Variants in MCHR2 observed in about 807,000 individuals in gnomAD.
MCHR2 encodes the protein melanin-concentrating hormone receptor 2.
In MCHR2, 15 loss-of-function variants were observed where a neutral mutation model predicts 24.8. The observed-to-expected ratio is 0.60, with a 90% CI of 0.40 to 0.93. The LOEUF is 0.93. Ranked by LOEUF, MCHR2 falls within the 40% of genes least tolerant of loss-of-function variation. The probability of loss-of-function intolerance (pLI) is 0.00; values close to 1 mark genes in which losing one functional copy is unlikely to be tolerated. For missense variants in MCHR2, 386 were observed against 408.7 expected (o/e 0.94, Z 0.48); for synonymous variants, 151 against 147.6 (o/e 1.02, Z -0.17).
intron 1 of MCHR2, among the ~76,000 whole-genome samples, chr6:99,961,196 A>T (rs911126412): frequency 1.3e-5 from 2 of 151,874 alleles, no homozygotes; most frequent in Non-Finnish European, 2.9e-5. Context: ...AGAAGAAAAA[A>T]AAAGCGTTTT....
chr6:99,922,437 G>T (rs906448576), intron 5 of MCHR2, among the ~76,000 whole-genome samples: 1 of 152,086 alleles, frequency 6.6e-6, no homozygotes, highest in Non-Finnish European at 1.5e-5. Context: ...TTGGTTGCCC[G>T]TGCCTGTGGA....
chr6:99,941,858 A>G (rs577251939), intron 4 of MCHR2, among the ~76,000 whole-genome samples: 17 of 151,704 alleles, frequency 1.1e-4, no homozygotes, highest in Non-Finnish European at 1.5e-5. Context: ...TTTTTTTTTA[A>G]CTGGATTAGC....
rs78660011 is a variant in MCHR2 at position 99,947,914 on chromosome 6, C to A, written c.240G>T (p.Leu80Phe). The change falls in exon 3 of 6, where the codon TTG (leucine) becomes TTT (phenylalanine). Residue 80 changes from leucine to phenylalanine, a missense_variant. Physicochemically the swap from Leu to Phe is conservative, Grantham distance 22. Coordinates refer to ENST00000281806, the MANE Select transcript of MCHR2 (RefSeq NM_001040179.2). ...GAAAAGGCATTCCAACTATGTGGAC[C>A]AAATCAGCCACAGCCAGGTTGCAGA... ...IYICNLAVAD[L>F]VHIVGMPFLI... 2 of 1,613,694 alleles carry A rather than the reference C, an allele frequency of 1.2e-6. No homozygotes were observed. Among genetic ancestry groups the A allele is most frequent in the East Asian group, 2.2e-5 (1 of 44,854 alleles).
At chr6:99,963,723 G>T (rs183019956) in intron 1 of MCHR2, among the ~76,000 whole-genome samples, 1 of 152,182 alleles carries the variant, frequency 6.6e-6, no homozygotes, top group Admixed American at 6.6e-5. Context: ...GAGAAATGAT[G>T]CAGAGTTTAC....
intron 1 of MCHR2, among the ~76,000 whole-genome samples, chr6:99,992,576 T>C (rs1038184391): frequency 2.6e-5 from 4 of 152,208 alleles, no homozygotes; most frequent in African/African-American, 9.6e-5. Context: ...GCCTGGTGGC[T>C]TTTCCTTCCC....
intron 1 of MCHR2, among the ~76,000 whole-genome samples, chr6:99,991,024 C>A (rs1775862108): frequency 6.6e-6 from 1 of 151,168 alleles, no homozygotes; most frequent in Non-Finnish European, 1.5e-5. Flanking sequence ...AAAGAAGAAA[C>A]CCAAGCATGT....
rs534841156 is a variant in MCHR2 at position 99,929,382 on chromosome 6, C to T, written c.707+5016G>A. 3.6e-3 allele frequency among the ~76,000 whole-genome samples: 545 copies of T among 152,200 alleles called. 3 individuals carry two copies. The highest frequency in any genetic ancestry group is 0.012 in the African/African-American group (512 of 41,510). ...CTTGGTGCAGAGCTGAGTTCAATTC[C>T]TGGGTATCCTTGTTAACTTTCTGTC... is the stretch of plus-strand genomic sequence containing the variant. On this transcript the variant is annotated intron_variant, in intron 5 of 5. Coordinates refer to ENST00000281806, the MANE Select transcript of MCHR2 (RefSeq NM_001040179.2).
At chr6:99,991,161 A>C (rs1463210632) in intron 1 of MCHR2, among the ~76,000 whole-genome samples, 1 of 151,826 alleles carries the variant, frequency 6.6e-6, no homozygotes, top group Non-Finnish European at 1.5e-5. Context: ...TGGGGAAAAG[A>C]GGGGAGCAGA....
At chr6:99,984,354 C>A (rs992288210) in intron 1 of MCHR2, among the ~76,000 whole-genome samples, 2 of 151,790 alleles carry the variant, frequency 1.3e-5, no homozygotes, top group African/African-American at 4.8e-5. Flanking sequence ...TGGTGTGCTG[C>A]ACCCATTAAC....
At chr6:99,935,226 A>T (rs1277994121) in intron 4 of MCHR2, among the ~76,000 whole-genome samples, 3 of 152,056 alleles carry the variant, frequency 2.0e-5, no homozygotes, top group African/African-American at 7.2e-5. Context: ...CATTCAAATT[A>T]TTCTCTTCTA....
intron 3 of MCHR2, 75 bp from the exon 4 acceptor site, chr6:99,943,218 G>A (rs1774810809): frequency 1.6e-6 from 2 of 1,222,850 alleles, no homozygotes; most frequent in South Asian, 3.9e-5. Context: ...GGTTCATGAT[G>A]AGAGTAAATT....
intron 2 of MCHR2, among the ~76,000 whole-genome samples, chr6:99,950,896 G>A (rs1178465791): frequency 6.6e-6 from 1 of 152,120 alleles, no homozygotes; most frequent in Admixed American, 6.6e-5. Context: ...GTAGGCTGCT[G>A]TGCTTGTCAT....
At chr6:99,992,703 T>C (rs1335447102) in intron 1 of MCHR2, among the ~76,000 whole-genome samples, 2 of 152,216 alleles carry the variant, frequency 1.3e-5, no homozygotes, top group Non-Finnish European at 2.9e-5. Context: ...TTGGAATGCT[T>C]TGTGCAGTCT....
intron 1 of MCHR2, among the ~76,000 whole-genome samples, chr6:99,963,392 G>A (rs1775235632): frequency 6.6e-6 from 1 of 152,094 alleles, no homozygotes; most frequent in Admixed American, 6.6e-5. Flanking sequence ...GATACTAAGT[G>A]AAATAAGTCA....
intron 5 of MCHR2, among the ~76,000 whole-genome samples, chr6:99,933,391 G>T (rs922274116): frequency 9.9e-5 from 15 of 152,118 alleles, no homozygotes; most frequent in African/African-American, 3.6e-4. Flanking sequence ...TATTCCATAT[G>T]ATTTCATTTT....
chr6:99,925,114 T>C (rs1310597979), intron 5 of MCHR2, among the ~76,000 whole-genome samples: 4 of 152,148 alleles, frequency 2.6e-5, no homozygotes, highest in Non-Finnish European at 1.5e-5. Context: ...TAAATTGTTA[T>C]ATCCTCTTGC....
rs546852756 is a variant in MCHR2, at chr6:99,930,658, C to T, written c.707+3740G>A. ...GCTCCTGAGGCTTCTGCATTCTTCA[C>T]GTAGTTTTTGAGCCTTGGCTCTCAG... On this transcript the variant is annotated intron_variant, in intron 5 of 5. Coordinates refer to ENST00000281806, the MANE Select transcript of MCHR2 (RefSeq NM_001040179.2). 2.3e-4 allele frequency among the ~76,000 whole-genome samples: 35 copies of T among 152,314 alleles called. No individual in the cohort carries two copies. In the East Asian group the frequency reaches 2.3e-3, roughly 10 times the overall value.
intron 1 of MCHR2, among the ~76,000 whole-genome samples, chr6:99,990,069 A>T: frequency 6.8e-6 from 1 of 147,496 alleles, no homozygotes; most frequent in East Asian, 2.0e-4. Context: ...CAAAAAAAAA[A>T]CTAAATTCCA....
intron 1 of MCHR2, among the ~76,000 whole-genome samples, 161 bp downstream of exon 1, chr6:99,993,775 G>A (rs925276452): frequency 6.6e-6 from 1 of 152,114 alleles, no homozygotes; most frequent in Non-Finnish European, 1.5e-5. Context: ...TTCTGGGGAT[G>A]GAGGGGGATC....
Sources: gnomAD v4.1 joint callset for allele counts (sites outside exome capture counted in the v4.1 genomes callset) on GRCh38, gnomAD v4.1.1 for gene constraint, MANE v1.5 for transcripts, NCBI Gene and HGNC (gene_info 2026-07-23, HGNC 2026-07-21) for gene names.